Variants in UGT1A6 observed in about 807,000 individuals in gnomAD.
UGT1A6 encodes UDP glucuronosyltransferase family 1 member A6.
A neutral mutation model predicts 44.4 loss-of-function variants in UGT1A6; 32 were observed. The observed-to-expected ratio is 0.72, with a 90% CI of 0.54 to 0.97. The LOEUF is 0.97. Among genes scored for constraint, UGT1A6 ranks in the 50% least tolerant of loss-of-function variants. The probability of loss-of-function intolerance (pLI) is 0.00; values close to 1 mark genes in which losing one functional copy is unlikely to be tolerated. For synonymous variants in UGT1A6, 238 were observed against 248.5 expected (o/e 0.96, Z 0.40); for missense variants, 685 against 661.9 (o/e 1.03, Z -0.38).
rs114982090 is a variant in UGT1A6, at chr2:233,772,309, C to T, written c.1349C>T (p.Pro450Leu). The T allele has an allele frequency of 2.3e-4, 377 of 1,614,206 alleles. No individual in the cohort carries two copies. The East Asian group carries it at 3.1e-3, about 13-fold the overall frequency. ...MRLSSLHKDR[P>L]VEPLDLAVFW... Reference sequence around the variant, plus strand: ...CTCTCCAGCCTTCACAAGGACCGCCCGGTGGAGCCGCTGGACCTGGCCGTG... The same window carrying T: ...CTCTCCAGCCTTCACAAGGACCGCCTGGTGGAGCCGCTGGACCTGGCCGTG... The change falls in exon 5 of 5, where the codon CCG becomes CTG. Residue 450 changes from proline (P) to leucine (L), a missense_variant. Pro to Leu is a moderately conservative substitution (Grantham distance 98). Coordinates refer to ENST00000305139, the MANE Select transcript of UGT1A6 (RefSeq NM_001072.4).
intron 1 of UGT1A6, among the ~76,000 whole-genome samples, chr2:233,724,579 G>A (rs1401328538): frequency 7.9e-6 from 1 of 126,878 alleles, no homozygotes; most frequent in Non-Finnish European, 1.6e-5. Context: ...GGGCAGAGGC[G>A]CTCCCCACAT....
chr2:233,718,674 T>C, intron 1 of UGT1A6: 1 of 1,557,312 alleles, frequency 6.4e-7, no homozygotes, highest in South Asian at 1.2e-5. Context: ...GATTAATGGG[T>C]AATAAGTAAC....
chr2:233,730,805 C>T lies in UGT1A6; in HGVS notation c.862-36229C>T, dbSNP rs1300674674. On this transcript the variant is annotated intron_variant, in intron 1 of 4. Coordinates refer to ENST00000305139, the MANE Select transcript of UGT1A6 (RefSeq NM_001072.4). ...CTGGGGACAGTGATGAATGGACATG[C>T]GTCCAAGAAGGGAAGCATTTCTCAG... Among the ~76,000 whole-genome samples the T allele has an allele frequency of 3.3e-5, 5 of 152,230 alleles. 1 individual carries two copies. The highest frequency in any genetic ancestry group is 2.0e-4 in the Admixed American group (3 of 15,282).
chr2:233,754,892 C>A, intron 1 of UGT1A6: 1 of 1,351,640 alleles, frequency 7.4e-7, no homozygotes, highest in Non-Finnish European at 9.9e-7. Flanking sequence ...GGGAGTTCCT[C>A]TGACCCCCCA....
chr2:233,720,704 CT>C (rs796417980), intron 1 of UGT1A6, among the ~76,000 whole-genome samples: 3,410 of 139,098 alleles, frequency 0.025, 114 homozygotes, highest in African/African-American at 0.077. Flanking sequence ...GGGAGCCATC[CT>C]TTTTTTTTTT....
intron 1 of UGT1A6, among the ~76,000 whole-genome samples, chr2:233,696,144 T>C (rs566380676): frequency 1.3e-5 from 2 of 152,304 alleles, no homozygotes; most frequent in African/African-American, 4.8e-5. Flanking sequence ...ATCCCATTGC[T>C]GGGTATATAT....
intron 1 of UGT1A6, chr2:233,753,430 GGTTAAT>G (rs1304983962): frequency 6.6e-6 from 1 of 152,150 alleles, no homozygotes; most frequent in African/African-American, 2.4e-5. Flanking sequence ...AGTATTTGTT[GGTTAAT>G]GATGTGTTCA....
At chr2:233,731,656 T>G (rs62191916) in intron 1 of UGT1A6, among the ~76,000 whole-genome samples, 12,108 of 152,302 alleles carry the variant, frequency 0.079, 643 homozygotes, top group East Asian at 0.2. Context: ...GGTGTATATG[T>G]GCCACATTTT....
At chr2:233,772,033 A>T (rs33979061) in intron 4 of UGT1A6, among the ~76,000 whole-genome samples, 1 of 152,088 alleles carries the variant, frequency 6.6e-6, no homozygotes, top group Non-Finnish European at 1.5e-5. Flanking sequence ...GGATGGCTTG[A>T]GCCCAGGAGT....
rs1700524777 is a variant in UGT1A6, at chr2:233,772,469, C to T, written c.1509C>T (p.Phe503=). ...FLLAVVLTVA[F]ITFKCCAYGY... ...TGGCCGTCGTGCTGACAGTGGCCTTCATCACCTTTAAATGTTGTGCTTATG... is the reference window on the plus strand; with the variant it reads ...TGGCCGTCGTGCTGACAGTGGCCTTTATCACCTTTAAATGTTGTGCTTATG... Residue 503 remains phenylalanine (F), a synonymous_variant, in exon 5 of 5, where the codon TTC becomes TTT. Coordinates refer to ENST00000305139, the MANE Select transcript of UGT1A6 (RefSeq NM_001072.4). 12 of 1,614,144 alleles carry T rather than the reference C, an allele frequency of 7.4e-6. No homozygotes were observed. The highest frequency in any genetic ancestry group is 1.0e-5 in the Non-Finnish European group (12 of 1,180,034).
chr2:233,761,524 A>G (rs1388397599), intron 1 of UGT1A6, among the ~76,000 whole-genome samples: 1 of 152,234 alleles, frequency 6.6e-6, no homozygotes, highest in Non-Finnish European at 1.5e-5. Flanking sequence ...AATGTTCAGG[A>G]CTGATGAAAT....
At position 233,757,541 on chromosome 2, in the gene UGT1A6, T is replaced by TATACATATAC. The variant is rs1229454769; in HGVS notation, c.862-9490_862-9489insCATATACATA. ...CAAAATCTTGCCTGTAAGGAATATA[T>TATACATATAC]ATATATATATATATATATATGTATA... On this transcript the variant is annotated intron_variant, in intron 1 of 4. Transcript: ENST00000305139. Among the ~76,000 whole-genome samples the TATACATATAC allele has an allele frequency of 5.2e-3, 611 of 117,548 alleles. 31 individuals carry two copies. Among genetic ancestry groups the TATACATATAC allele is most frequent in the Admixed American group, 0.029 (361 of 12,346 alleles). The allele number at this position is 117,548 out of a possible 152,430, so 77.1% of individuals were successfully genotyped here.
chr2:233,755,131 T>C (rs1695774627), intron 1 of UGT1A6: 1 of 1,321,048 alleles, frequency 7.6e-7, no homozygotes, highest in African/African-American at 1.5e-5. Flanking sequence ...GCCACCTGCT[T>C]GAATCTTCTC....
intron 1 of UGT1A6, among the ~76,000 whole-genome samples, chr2:233,733,535 T>G (rs1019669539): frequency 5.4e-4 from 82 of 152,358 alleles, no homozygotes; most frequent in Non-Finnish European, 5.9e-5. Flanking sequence ...TTAATTTTGT[T>G]GAAGGCCTTT....
intron 1 of UGT1A6, among the ~76,000 whole-genome samples, chr2:233,724,261 G>C (rs1182689801): frequency 8.1e-5 from 8 of 98,862 alleles, no homozygotes; most frequent in East Asian, 3.8e-4. Context: ...CTCACCTCCC[G>C]GACGGGGCGG....
At chr2:233,719,559 G>A (rs2076780639) in intron 1 of UGT1A6, 2 of 1,613,878 alleles carry the variant, frequency 1.2e-6, no homozygotes, top group Non-Finnish European at 1.7e-6. Flanking sequence ...GTCAGTGGTG[G>A]ATCTTGTCAG....
In UGT1A6 at chr2:233,701,052, T is replaced by A. The variant is rs545196754; in HGVS notation, c.861+7187T>A. Among the ~76,000 whole-genome samples, 24 of 152,314 alleles carry A rather than the reference T, an allele frequency of 1.6e-4. No homozygotes were observed. In the East Asian group the frequency reaches 4.4e-3, roughly 28 times the overall value. On this transcript the variant is annotated intron_variant, in intron 1 of 4. Transcript: ENST00000305139. ...TGTCCCTACAAAGGACATGAACTCA[T>A]AATTTTTTATGGCTGCATAGTATTC...
chr2:233,758,687 A>T (rs1165998608), intron 1 of UGT1A6, among the ~76,000 whole-genome samples: 1 of 152,210 alleles, frequency 6.6e-6, no homozygotes, highest in Non-Finnish European at 1.5e-5. Flanking sequence ...CCCATAGGAC[A>T]CCAAAACTCT....
At position 233,763,257 on chromosome 2, in the gene UGT1A6, T is replaced by C. The variant is rs187516962; in HGVS notation, c.862-3777T>C. On this transcript the variant is annotated intron_variant, in intron 1 of 4. Transcript: ENST00000305139. ...AATTGTACCTTTTAGTAACCTGTTTTGTCTTGTTGCATGTTTTAATCTGAA... is the reference window on the plus strand; with the variant it reads ...AATTGTACCTTTTAGTAACCTGTTTCGTCTTGTTGCATGTTTTAATCTGAA... 1.1e-3 allele frequency among the ~76,000 whole-genome samples: 161 copies of C among 152,386 alleles called. 7 individuals carry two copies. The South Asian group carries it at 0.032, about 31-fold the overall frequency.
Sources: allele counts gnomAD v4.1 joint callset (sites outside exome capture counted in the v4.1 genomes callset), GRCh38; gene constraint gnomAD v4.1.1; transcripts MANE v1.5; gene names NCBI Gene and HGNC (gene_info 2026-07-23, HGNC 2026-07-21).